Variants in KIT observed in about 807,000 individuals in gnomAD.
The protein encoded by KIT is mast/stem cell growth factor receptor Kit.
In KIT, 16 loss-of-function variants were observed where a neutral mutation model predicts 105.7. The observed-to-expected ratio is 0.15, with a 90% CI of 0.10 to 0.23. The LOEUF is 0.23. KIT is among the 10% of genes least tolerant of loss of function. The pLI is 1.00. For missense variants in KIT, 858 were observed against 1,213.8 expected (o/e 0.71, Z 4.36); for synonymous variants, 438 against 441.1 (o/e 0.99, Z 0.09).
chr4:54,723,750 A>G (rs781488750), intron 8 of KIT, 52 bp downstream of exon 8: 18 of 996,378 alleles, frequency 1.8e-5, no homozygotes, highest in Non-Finnish European at 2.6e-5. Flanking sequence ...AAGGACTGCA[A>G]TTCACTTGAA....
At chr4:54,661,619 C>G (rs139656171) in intron 1 of KIT, among the ~76,000 whole-genome samples, 1 of 152,326 alleles carries the variant, frequency 6.6e-6, no homozygotes, top group East Asian at 1.9e-4. Flanking sequence ...TCTTTTGCTG[C>G]ATTAATGTGC....
intron 2 of KIT, 53 bp from the exon 3 acceptor site, chr4:54,698,231 T>G: frequency 1.9e-6 from 3 of 1,544,746 alleles, no homozygotes; most frequent in Non-Finnish European, 2.7e-6. Context: ...AAAAGTGTTT[T>G]CAGTGTCTGT....
intron 3 of KIT, among the ~76,000 whole-genome samples, 172 bp downstream of exon 3, chr4:54,698,737 A>G (rs1320458199): frequency 6.6e-6 from 1 of 152,070 alleles, no homozygotes; most frequent in African/African-American, 2.4e-5. Context: ...CATGGTCCTG[A>G]CCCCGTGTGG....
rs562354986 is a variant in KIT, at chr4:54,673,080, C to T, written c.67+14999C>T. ...CTAGATACCCAAAGGAATGTTTTTC[C>T]ACCTTTATTCTTTAAAGCCCACTAG... On this transcript the variant is annotated intron_variant, in intron 1 of 20. Coordinates refer to ENST00000288135, the MANE Select transcript of KIT (RefSeq NM_000222.3). Among the ~76,000 whole-genome samples, 72 of 152,248 alleles carry T rather than the reference C, an allele frequency of 4.7e-4. 1 individual carries two copies. The highest frequency in any genetic ancestry group is 1.7e-3 in the African/African-American group (69 of 41,552).
chr4:54,739,006 A>G lies in KIT; in HGVS notation c.*449A>G, dbSNP rs1415273770. On this transcript the variant is annotated 3_prime_UTR_variant, in exon 21 of 21. Coordinates refer to ENST00000288135, the MANE Select transcript of KIT (RefSeq NM_000222.3). Reference sequence around the variant, plus strand: ...TCCTTTATGTGGAAAACAGAACATCATTAGAACAAAGGACAGAGTATGAAC... The same window carrying G: ...TCCTTTATGTGGAAAACAGAACATCGTTAGAACAAAGGACAGAGTATGAAC... 8.1e-6 allele frequency: 4 copies of G among 492,686 alleles called. No individual in the cohort carries two copies. In the East Asian group the frequency reaches 1.2e-4, roughly 15 times the overall value. 30.5% of individuals were successfully genotyped at this position (492,686 alleles called of 1,614,324 possible). A position where few individuals can be genotyped will look rare whatever the true frequency, so the allele number is the denominator to read the frequency against.
chr4:54,667,316 AC>A (rs1256446922), intron 1 of KIT, among the ~76,000 whole-genome samples: 1 of 152,156 alleles, frequency 6.6e-6, no homozygotes, highest in East Asian at 1.9e-4. Context: ...CTGCTTGATA[AC>A]ATTTTATTAA....
chr4:54,726,335 A>G (rs1330320394), intron 9 of KIT, among the ~76,000 whole-genome samples: 2 of 152,210 alleles, frequency 1.3e-5, no homozygotes, highest in African/African-American at 4.8e-5. Context: ...GAGAAAGCAA[A>G]TGGGGGAATA....
At position 54,698,446 on chromosome 4, in the gene KIT, A is replaced by C; in HGVS notation, c.500A>C (p.Lys167Thr). ...GACTTGAGGTTTATTCCTGACCCCA[A>C]GGCGGGCATCATGATCAAAAGTGTG... is the stretch of plus-strand genomic sequence containing the variant. ...PKDLRFIPDP[K>T]AGIMIKSVKR... Residue 167 changes from lysine (K) to threonine (T), a missense_variant, in exon 3 of 21, where the codon AAG becomes ACG. This residue lies in a region of KIT where 401 missense variants were observed against 601.0 expected (regional missense o/e 0.67). Coordinates refer to ENST00000288135, the MANE Select transcript of KIT (RefSeq NM_000222.3). 6.2e-7 allele frequency: 1 copy of C among 1,614,158 alleles called. No homozygotes were observed. The highest frequency in any genetic ancestry group is 8.5e-7 in the Non-Finnish European group (1 of 1,180,014).
chr4:54,719,675 T>C (rs888581234), intron 7 of KIT, among the ~76,000 whole-genome samples: 1 of 152,170 alleles, frequency 6.6e-6, no homozygotes, highest in Non-Finnish European at 1.5e-5. Context: ...CTATACTGCT[T>C]ATTGCAGAAT....
intron 1 of KIT, among the ~76,000 whole-genome samples, chr4:54,659,907 A>G (rs1031073224): frequency 2.0e-4 from 31 of 152,030 alleles, no homozygotes; most frequent in African/African-American, 7.5e-4. Flanking sequence ...TGTAACGACA[A>G]AGCCTTGCTC....
At position 54,725,913 on chromosome 4, in the gene KIT, C is replaced by A. The variant is rs200518498; in HGVS notation, c.1403C>A (p.Pro468Gln). The change falls in exon 9 of 21, where the codon CCG becomes CAG. Residue 468 changes from proline (P) to glutamine (Q), a missense_variant. Physicochemically the swap from Pro to Gln is moderately conservative, Grantham distance 76. Around this residue, in one of 7 missense-constraint regions of KIT, gnomAD observed 401 missense variants for 601.0 expected, o/e 0.67. Coordinates refer to ENST00000288135, the MANE Select transcript of KIT (RefSeq NM_000222.3). ...CAGACACTAAACTCATCTGGGCCACCGTTTGGAAAGCTAGTGGTTCAGAGT... is the reference window on the plus strand; with the variant it reads ...CAGACACTAAACTCATCTGGGCCACAGTTTGGAAAGCTAGTGGTTCAGAGT... ...DVQTLNSSGP[P>Q]FGKLVVQSSI... 4 of 1,614,070 alleles carry A rather than the reference C, an allele frequency of 2.5e-6. No homozygotes were observed. The Admixed American group carries it at 5.0e-5, about 20-fold the overall frequency.
At chr4:54,717,098 A>G (rs1371124238) in intron 7 of KIT, among the ~76,000 whole-genome samples, 2 of 152,120 alleles carry the variant, frequency 1.3e-5, no homozygotes, top group African/African-American at 2.4e-5. Flanking sequence ...GGAATTATGA[A>G]TGTTGTTTTT....
chr4:54,678,382 A>G (rs1174843881), intron 1 of KIT, among the ~76,000 whole-genome samples: 1 of 78,316 alleles, frequency 1.3e-5, no homozygotes, highest in Non-Finnish European at 2.5e-5. Context: ...CCCTCCCCCA[A>G]TCCCTGTGAG....
chr4:54,660,894 A>G (rs182708580), intron 1 of KIT, among the ~76,000 whole-genome samples: 5 of 152,318 alleles, frequency 3.3e-5, no homozygotes. Context: ...TTCTGGGAAT[A>G]CAGGATGGCC....
chr4:54,714,631 C>A (rs980022346), intron 7 of KIT, among the ~76,000 whole-genome samples: 2 of 151,964 alleles, frequency 1.3e-5, no homozygotes, highest in African/African-American at 4.8e-5. Context: ...GTTTTTCAAA[C>A]CTTTGGAATA....
chr4:54,715,377 A>AC (rs1200893503), intron 7 of KIT, among the ~76,000 whole-genome samples: 2 of 151,788 alleles, frequency 1.3e-5, no homozygotes, highest in East Asian at 3.9e-4. Context: ...TTAAAAAAAA[A>AC]AAAAAAAAAT....
At chr4:54,676,450 C>A (rs1358250139) in intron 1 of KIT, among the ~76,000 whole-genome samples, 1 of 152,182 alleles carries the variant, frequency 6.6e-6, no homozygotes, top group Non-Finnish European at 1.5e-5. Context: ...GTCAGAACGT[C>A]AGACCAGGGT....
In KIT at chr4:54,695,719, C is replaced by G. The variant is rs1720019762; in HGVS notation, c.275C>G (p.Thr92Ser). ...ACGGAAAAGGCAGAAGCCACCAACA[C>G]CGGCAAATACACGTGCACCAACAAA... ...WITEKAEATN[T>S]GKYTCTNKHG... Residue 92 changes from threonine to serine, a missense_variant, in exon 2 of 21, where the codon ACC becomes AGC. Thr to Ser is a moderately conservative substitution (Grantham distance 58). Transcript: ENST00000288135. 1.4e-5 allele frequency: 23 copies of G among 1,614,242 alleles called. No individual in the cohort carries two copies. Among genetic ancestry groups the G allele is most frequent in the Non-Finnish European group, 1.9e-5 (23 of 1,180,050 alleles).
At position 54,737,305 on chromosome 4, in the gene KIT, G is replaced by T. The variant is rs1168449769; in HGVS notation, c.2802+25G>T. 3.4e-6 allele frequency: 5 copies of T among 1,451,370 alleles called. No homozygotes were observed. The African/African-American group carries it at 7.0e-5, about 20-fold the overall frequency. 89.9% of individuals were successfully genotyped at this position (1,451,370 alleles called of 1,614,324 possible). ...TGTGAGTATACCCTGGCCAGGCATA[G>T]AATCCCCCTTCTCCCAGTTCCAGGT... On this transcript the variant is annotated intron_variant, in intron 20 of 20. Coordinates refer to ENST00000288135, the MANE Select transcript of KIT (RefSeq NM_000222.3).
Sources: allele counts gnomAD v4.1 joint callset (sites outside exome capture counted in the v4.1 genomes callset), GRCh38; gene constraint gnomAD v4.1.1; regional missense constraint gnomAD v4.1.1; transcripts MANE v1.5; gene names NCBI Gene and HGNC (gene_info 2026-07-23, HGNC 2026-07-21).